Variants in USP7 observed in about 807,000 individuals in gnomAD.
USP7 encodes the protein ubiquitin C-terminal hydrolase 7.
A neutral mutation model predicts 162.9 loss-of-function variants in USP7; 9 were observed. That is an observed-to-expected ratio of 0.06 (90% CI 0.03 to 0.10). The LOEUF is 0.10. USP7 is among the 10% of genes least tolerant of loss of function. The pLI is 1.00. For missense variants in USP7, 715 were observed against 1,373.7 expected, an observed-to-expected ratio of 0.52 and a Z score of 7.58; for synonymous variants, 562 against 475.9, an observed-to-expected ratio of 1.18 and a Z score of -2.35.
At chr16:8,942,106 A>G (rs1288543082) in intron 1 of USP7, among the ~76,000 whole-genome samples, 1 of 152,254 alleles carries the variant, frequency 6.6e-6, no homozygotes, top group East Asian at 1.9e-4. Context: ...GAACAGGAAC[A>G]GGGCAGTGGG....
rs762143956 is a variant in USP7, at chr16:8,901,027, G to C, written c.2171C>G (p.Ala724Gly). 7.4e-6 allele frequency: 12 copies of C among 1,614,064 alleles called. No individual in the cohort carries two copies. Among genetic ancestry groups the C allele is most frequent in the East Asian group, 2.2e-5 (1 of 44,866 alleles). The part of the protein sequence containing the change: ...RDLLPVMCDR[A>G]GFIQDTSLIL... ...AAGGCTAGTATCTTGAATAAATCCTGCTCTGTCACACATAACTGGGAGCAA... is the reference window on the plus strand; with the variant it reads ...AAGGCTAGTATCTTGAATAAATCCTCCTCTGTCACACATAACTGGGAGCAA... The change falls in exon 20 of 31, where the codon GCA becomes GGA. Residue 724 changes from alanine (A) to glycine (G), a missense_variant. Around this residue, in one of 11 missense-constraint regions of USP7, gnomAD observed 197 missense variants for 306.5 expected, o/e 0.64. Transcript: ENST00000344836.
chr16:8,949,123 C>T (rs573763134), intron 1 of USP7, among the ~76,000 whole-genome samples: 3 of 152,244 alleles, frequency 2.0e-5, no homozygotes, highest in Non-Finnish European at 4.4e-5. Flanking sequence ...CTAAAAACCA[C>T]TGAACCCACT....
chr16:8,952,850 T>A (rs1179396369), intron 1 of USP7, among the ~76,000 whole-genome samples: 2 of 151,728 alleles, frequency 1.3e-5, no homozygotes, highest in African/African-American at 4.8e-5. Flanking sequence ...TTTTTTTTTT[T>A]AAGACGGAGT....
chr16:8,958,935 A>G (rs1899905730), intron 1 of USP7, among the ~76,000 whole-genome samples: 1 of 152,236 alleles, frequency 6.6e-6, no homozygotes, highest in Non-Finnish European at 1.5e-5. Context: ...CACATCGGAT[A>G]TGGTTACTGT....
rs138338712 is a variant in USP7 at position 8,960,347 on chromosome 16, G to C, written c.79+2860C>G. Among the ~76,000 whole-genome samples the C allele has an allele frequency of 3.3e-5, 5 of 152,122 alleles. No individual in the cohort carries two copies. The East Asian group carries it at 7.7e-4, about 23-fold the overall frequency. ...CTTCATCACTTTCCTAACTGCTCAGGGCATTTCAAAAAATAACTATTCCAG... is the reference window on the plus strand; with the variant it reads ...CTTCATCACTTTCCTAACTGCTCAGCGCATTTCAAAAAATAACTATTCCAG... On this transcript the variant is annotated intron_variant, in intron 1 of 30. Transcript: ENST00000344836.
chr16:8,955,704 CAAAAAAA>C (rs58029349), intron 1 of USP7, among the ~76,000 whole-genome samples: 1 of 100,974 alleles, frequency 9.9e-6, no homozygotes, highest in Non-Finnish European at 1.9e-5. Flanking sequence ...GATTCCATCT[CAAAAAAA>C]AAAAAAAAAA....
At chr16:8,954,783 A>G (rs944447616) in intron 1 of USP7, among the ~76,000 whole-genome samples, 1 of 151,058 alleles carries the variant, frequency 6.6e-6, no homozygotes, top group African/African-American at 2.4e-5. Context: ...CCATGGTAAA[A>G]CCCCCCCTCT....
chr16:8,940,545 C>T (rs1417907047), intron 1 of USP7, among the ~76,000 whole-genome samples: 1 of 152,186 alleles, frequency 6.6e-6, no homozygotes, highest in African/African-American at 2.4e-5. Context: ...GGGGCAGTTA[C>T]AGCAATGGCC....
intron 1 of USP7, among the ~76,000 whole-genome samples, chr16:8,944,230 T>G (rs1899180257): frequency 1.1e-5 from 1 of 92,458 alleles, no homozygotes; most frequent in East Asian, 2.4e-4. Flanking sequence ...GCAACAGAGG[T>G]GCAAAAAAAA....
intron 15 of USP7, among the ~76,000 whole-genome samples, chr16:8,903,642 G>A (rs932405582): frequency 5.3e-5 from 8 of 152,220 alleles, no homozygotes; most frequent in African/African-American, 7.2e-5. Flanking sequence ...CGAGGCGGGC[G>A]GATCACCTGA....
chr16:8,901,309 A>G, intron 18 of USP7, 75 bp from the exon 19 acceptor site: 1 of 954,172 alleles, frequency 1.0e-6, no homozygotes, highest in Non-Finnish European at 1.5e-6. Flanking sequence ...AAAACAAACA[A>G]ACAAAAAAAC....
intron 30 of USP7, among the ~76,000 whole-genome samples, 174 bp from the exon 31 acceptor site, chr16:8,894,278 C>T (rs899253): frequency 7.9e-5 from 12 of 151,980 alleles, no homozygotes; most frequent in Admixed American, 2.0e-4. Flanking sequence ...ACCCTGACTG[C>T]GCCTCAGAGC....
chr16:8,951,160 C>A (rs999515359), intron 1 of USP7, among the ~76,000 whole-genome samples: 1 of 82,052 alleles, frequency 1.2e-5, no homozygotes, highest in Non-Finnish European at 2.7e-5. Context: ...GTATTTAAAA[C>A]TGTAGGCTTG....
intron 30 of USP7, 21 bp downstream of exon 30, chr16:8,894,529 C>CA (rs71155414): frequency 8.9e-5 from 133 of 1,488,042 alleles, no homozygotes; most frequent in Non-Finnish European, 1.1e-4. Context: ...CACCAGCCCC[C>CA]GGGGGGGGGA....
chr16:8,917,980 C>CG (rs2141205681), intron 6 of USP7, among the ~76,000 whole-genome samples: 1 of 151,894 alleles, frequency 6.6e-6, no homozygotes, highest in African/African-American at 2.4e-5. Flanking sequence ...TTACTAGAGA[C>CG]GGGGTTTCAC....
intron 13 of USP7, among the ~76,000 whole-genome samples, 169 bp from the exon 14 acceptor site, chr16:8,905,500 G>A (rs1395783011): frequency 2.6e-5 from 4 of 152,214 alleles, no homozygotes; most frequent in Non-Finnish European, 5.9e-5. Flanking sequence ...TGCTAGGCAG[G>A]CAGCGCCTCA....
chr16:8,916,772 G>A (rs1164458584), intron 7 of USP7, among the ~76,000 whole-genome samples: 1 of 152,146 alleles, frequency 6.6e-6, no homozygotes, highest in East Asian at 1.9e-4. Context: ...AAGCAGTACA[G>A]GTTCTTGTGT....
intron 1 of USP7, among the ~76,000 whole-genome samples, chr16:8,943,555 A>T (rs529631948): frequency 4.6e-5 from 7 of 151,618 alleles, no homozygotes; most frequent in Non-Finnish European, 8.8e-5. Context: ...ACAAACGACT[A>T]ACCAACAGGC....
intron 1 of USP7, chr16:8,936,650 G>C (rs1898747355): frequency 6.4e-7 from 1 of 1,552,936 alleles, no homozygotes; most frequent in Non-Finnish European, 8.6e-7. Context: ...GCTGGGGGAT[G>C]GGGGAGGTTC....
Sources: allele counts gnomAD v4.1 joint callset (sites outside exome capture counted in the v4.1 genomes callset), GRCh38; gene constraint gnomAD v4.1.1; regional missense constraint gnomAD v4.1.1; transcripts MANE v1.5; gene names NCBI Gene and HGNC (gene_info 2026-07-23, HGNC 2026-07-21).